Variants in MAGI3 observed in about 807,000 individuals in gnomAD.
The protein encoded by MAGI3 is membrane-associated guanylate kinase, WW and PDZ domain-containing protein 3.
Under a neutral mutation model 121.8 loss-of-function variants are expected in MAGI3, and 43 were observed. The observed-to-expected ratio is 0.35, with a 90% CI of 0.28 to 0.46. MAGI3 has a LOEUF of 0.46. Ranked by LOEUF, MAGI3 falls within the 20% of genes least tolerant of loss-of-function variation. MAGI3 has a pLI of 1.00. For synonymous variants in MAGI3, 553 were observed against 639.3 expected (o/e 0.86, Z 2.04); for missense variants, 1,547 against 1,797.3 (o/e 0.86, Z 2.52).
chr1:113,577,551 C>T (rs567459328), intron 2 of MAGI3, among the ~76,000 whole-genome samples: 5 of 147,344 alleles, frequency 3.4e-5, no homozygotes, highest in Admixed American at 6.8e-5. Flanking sequence ...TTATGGAATG[C>T]GAAAAGTAAT....
intron 14 of MAGI3, 58 bp downstream of exon 14, chr1:113,651,264 C>A (rs747183359): frequency 2.5e-4 from 371 of 1,480,148 alleles, no homozygotes; most frequent in Non-Finnish European, 2.1e-4. Flanking sequence ...TACTAGTCTA[C>A]TTCCTGTGTA....
chr1:113,409,072 A>G (rs768944383), intron 1 of MAGI3, among the ~76,000 whole-genome samples: 3 of 152,042 alleles, frequency 2.0e-5, no homozygotes, highest in African/African-American at 4.8e-5. Context: ...AACACTTTCT[A>G]TACTGGAAGG....
intron 1 of MAGI3, among the ~76,000 whole-genome samples, chr1:113,535,348 C>T (rs1658922904): frequency 6.6e-6 from 1 of 151,792 alleles, no homozygotes; most frequent in Non-Finnish European, 1.5e-5. Context: ...GATAAAAATT[C>T]TTCATTGTCT....
intron 1 of MAGI3, among the ~76,000 whole-genome samples, chr1:113,393,878 G>A (rs1397970550): frequency 2.6e-5 from 4 of 152,164 alleles, no homozygotes; most frequent in African/African-American, 7.2e-5. Context: ...GCACTCTCTT[G>A]TCTTGACTAG....
intron 2 of MAGI3, among the ~76,000 whole-genome samples, chr1:113,554,534 C>G (rs1229183364): frequency 6.6e-6 from 1 of 150,950 alleles, no homozygotes; most frequent in African/African-American, 2.4e-5. Flanking sequence ...ATAACTAGTA[C>G]TAGATTTACC....
At chr1:113,497,125 C>T (rs982881423) in intron 1 of MAGI3, among the ~76,000 whole-genome samples, 2 of 152,114 alleles carry the variant, frequency 1.3e-5, no homozygotes, top group African/African-American at 2.4e-5. Context: ...GGCGTGATGG[C>T]GCATGCCTGT....
chr1:113,467,535 C>G (rs528955527), intron 1 of MAGI3, among the ~76,000 whole-genome samples: 3 of 152,092 alleles, frequency 2.0e-5, no homozygotes, highest in Admixed American at 2.0e-4. Context: ...AAGTTCCCTA[C>G]TATTTTTTCT....
intron 2 of MAGI3, among the ~76,000 whole-genome samples, chr1:113,565,365 G>A (rs761383883): frequency 3.0e-4 from 46 of 151,942 alleles, no homozygotes; most frequent in Non-Finnish European, 5.4e-4. Context: ...AAAGCATTTC[G>A]TCTGCTTCTC....
intron 1 of MAGI3, among the ~76,000 whole-genome samples, chr1:113,540,589 A>G (rs1344594967): frequency 6.6e-6 from 1 of 152,222 alleles, no homozygotes; most frequent in African/African-American, 2.4e-5. Flanking sequence ...ACCACTAGAT[A>G]AAACAATTGG....
At chr1:113,486,540 T>G (rs1656388480) in intron 1 of MAGI3, among the ~76,000 whole-genome samples, 1 of 152,162 alleles carries the variant, frequency 6.6e-6, no homozygotes. Flanking sequence ...AATATATTTT[T>G]GGGCATAAAA....
chr1:113,672,424 T>C (rs1045358482), intron 17 of MAGI3, among the ~76,000 whole-genome samples, 191 bp from the exon 18 acceptor site: 1 of 147,988 alleles, frequency 6.8e-6, no homozygotes. Flanking sequence ...GACTTCAAAG[T>C]ATGTTGGAAT....
intron 1 of MAGI3, among the ~76,000 whole-genome samples, chr1:113,444,327 CA>C (rs1654063073): frequency 6.6e-6 from 1 of 152,200 alleles, no homozygotes; most frequent in Admixed American, 6.5e-5. Context: ...TACCTACCCC[CA>C]TTGTTGCAGT....
rs61622151 is a variant in MAGI3, at chr1:113,584,966, C to CAA, written c.554-421_554-420insAA. Among the ~76,000 whole-genome samples the CAA allele has an allele frequency of 4.8e-4, 53 of 110,742 alleles. 8 individuals are homozygous for CAA. Among genetic ancestry groups the CAA allele is most frequent in the Non-Finnish European group, 5.4e-4 (30 of 55,692 alleles). 72.7% of individuals were successfully genotyped at this position (110,742 alleles called of 152,430 possible). ...TCCTTTTGGCCAATGGTAGATATTT[C>CAA]CTTTTTTTTTTTTTTTTTTTTTTGA... On this transcript the variant is annotated intron_variant, in intron 3 of 20. Coordinates refer to ENST00000307546, the MANE Select transcript of MAGI3 (RefSeq NM_001142782.2).
At chr1:113,523,526 A>T (rs1658305415) in intron 1 of MAGI3, among the ~76,000 whole-genome samples, 1 of 152,170 alleles carries the variant, frequency 6.6e-6, no homozygotes, top group South Asian at 2.1e-4. Flanking sequence ...ACTGGAGCAA[A>T]GGTGACTCTT....
chr1:113,416,282 C>T (rs1257608357), intron 1 of MAGI3, among the ~76,000 whole-genome samples: 3 of 24,930 alleles, frequency 1.2e-4, no homozygotes, highest in African/African-American at 4.8e-4. Context: ...ATTAATTACA[C>T]ATATTAATTA....
intron 9 of MAGI3, among the ~76,000 whole-genome samples, chr1:113,641,033 T>TG (rs1553211827): frequency 8.1e-5 from 1 of 12,384 alleles, no homozygotes; most frequent in African/African-American, 4.6e-4. Flanking sequence ...ATATATATGA[T>TG]ATATATAATA....
intron 6 of MAGI3, among the ~76,000 whole-genome samples, chr1:113,607,039 T>G (rs1397925348): frequency 6.6e-6 from 1 of 152,194 alleles, no homozygotes; most frequent in East Asian, 1.9e-4. Flanking sequence ...CTTTCCATTC[T>G]CCTAATCACT....
Position 113,651,142 on chromosome 1 carries a change from C to T in MAGI3, c.2376C>T (p.Leu792=). The T allele has an allele frequency of 1.2e-6, 2 of 1,614,056 alleles. No individual in the cohort carries two copies. Residue 792 remains leucine, a synonymous_variant, in exon 14 of 21, where the codon CTC becomes CTT. Transcript: ENST00000307546. ...KGKSHKQVLD[L]MTTAARNGHV... ...AATCACACAAACAAGTCTTGGACCT[C>T]ATGACAACTGCTGCTCGAAATGGCC...
At chr1:113,673,003 G>A (rs1020684530) in intron 18 of MAGI3, among the ~76,000 whole-genome samples, 10 of 152,136 alleles carry the variant, frequency 6.6e-5, no homozygotes, top group Non-Finnish European at 8.8e-5. Context: ...TCAAATTCAG[G>A]TTTTTTTGTT....
Sources: allele counts gnomAD v4.1 joint callset (sites outside exome capture counted in the v4.1 genomes callset), GRCh38; gene constraint gnomAD v4.1.1; transcripts MANE v1.5; gene names NCBI Gene and HGNC (gene_info 2026-07-23, HGNC 2026-07-21).